KCNH1: variants seen among roughly 807,000 people sequenced by gnomAD.
KCNH1 encodes voltage-gated delayed rectifier potassium channel KCNH1.
KCNH1 carries 27 observed loss-of-function variants against 69.2 expected under a neutral mutation model. The observed-to-expected ratio is 0.39, with a 90% CI of 0.29 to 0.54. The LOEUF is 0.54. Among genes scored for constraint, KCNH1 ranks in the 20% least tolerant of loss-of-function variants. The pLI, the probability that KCNH1 is intolerant of heterozygous loss-of-function variation, is 0.68. For synonymous variants in KCNH1, 456 were observed against 487.7 expected, an observed-to-expected ratio of 0.93 and a Z score of 0.86; for missense variants, 798 against 1,261.6, an observed-to-expected ratio of 0.63 and a Z score of 5.57.
At chr1:210,951,184 C>T (rs980150747) in intron 6 of KCNH1, among the ~76,000 whole-genome samples, 1 of 152,160 alleles carries the variant, frequency 6.6e-6, no homozygotes, top group Non-Finnish European at 1.5e-5. Flanking sequence ...GCTCTGTCCA[C>T]AGGGCTACGA....
At chr1:210,688,019 G>C (rs1272373821) in intron 10 of KCNH1, among the ~76,000 whole-genome samples, 8 of 152,162 alleles carry the variant, frequency 5.3e-5, no homozygotes, top group Non-Finnish European at 2.9e-5. Context: ...GGTACTATGA[G>C]GGGGAAAAGT....
chr1:210,850,957 C>T (rs1170635396), intron 7 of KCNH1, among the ~76,000 whole-genome samples: 1 of 152,234 alleles, frequency 6.6e-6, no homozygotes, highest in African/African-American at 2.4e-5. Flanking sequence ...ATTTCAGGCA[C>T]AGCAAGAGAG....
intron 7 of KCNH1, chr1:210,860,275 T>A: frequency 7.0e-7 from 1 of 1,437,892 alleles, no homozygotes; most frequent in Non-Finnish European, 9.8e-7. Flanking sequence ...CTGCCACATC[T>A]GTGGAGACAC....
chr1:210,739,521 C>G (rs936691369), intron 10 of KCNH1, among the ~76,000 whole-genome samples: 2 of 152,204 alleles, frequency 1.3e-5, no homozygotes, highest in Non-Finnish European at 2.9e-5. Flanking sequence ...ATGAAGCTAA[C>G]TTGGCAGGAC....
At chr1:211,006,976 C>T (rs997365064) in intron 6 of KCNH1, among the ~76,000 whole-genome samples, 3 of 151,818 alleles carry the variant, frequency 2.0e-5, no homozygotes, top group African/African-American at 7.3e-5. Context: ...AAAAGACAGA[C>T]AATATATGCC....
chr1:210,891,456 G>A (rs974892932), intron 7 of KCNH1, among the ~76,000 whole-genome samples: 7 of 151,930 alleles, frequency 4.6e-5, no homozygotes, highest in African/African-American at 1.7e-4. Flanking sequence ...GAGTTAATGG[G>A]TGCAGCACAC....
At chr1:210,960,147 G>A (rs1195887217) in intron 6 of KCNH1, among the ~76,000 whole-genome samples, 2 of 152,148 alleles carry the variant, frequency 1.3e-5, no homozygotes, top group Non-Finnish European at 1.5e-5. Flanking sequence ...AAATGTATAT[G>A]TCACATAAAA....
At chr1:210,802,183 A>G (rs1684442519) in intron 8 of KCNH1, among the ~76,000 whole-genome samples, 1 of 152,216 alleles carries the variant, frequency 6.6e-6, no homozygotes, top group Non-Finnish European at 1.5e-5. Flanking sequence ...CTGAGGTTGT[A>G]GTAGTGGTGT....
chr1:211,121,940 C>G (rs566479013), intron 1 of KCNH1, among the ~76,000 whole-genome samples: 1 of 152,270 alleles, frequency 6.6e-6, no homozygotes, highest in South Asian at 2.1e-4. Flanking sequence ...TCGAGACCAT[C>G]CTGGCTAACA....
chr1:210,903,589 T>A (rs191384119), intron 7 of KCNH1, among the ~76,000 whole-genome samples: 1 of 152,338 alleles, frequency 6.6e-6, no homozygotes, highest in East Asian at 1.9e-4. Context: ...ATACCTATGA[T>A]GTACCTGGTA....
At chr1:211,069,176 G>A (rs1363731055) in intron 5 of KCNH1, among the ~76,000 whole-genome samples, 2 of 152,164 alleles carry the variant, frequency 1.3e-5, no homozygotes, top group East Asian at 3.9e-4. Flanking sequence ...CCCTGTCCCT[G>A]CCAAGGGGTG....
Position 210,919,547 on chromosome 1 carries a change from T to C in KCNH1, c.1462+93A>G. 4 of 1,177,728 alleles carry C rather than the reference T, an allele frequency of 3.4e-6. No homozygotes were observed. The highest frequency in any genetic ancestry group is 2.4e-6 in the Non-Finnish European group (2 of 820,706). The allele number at this position is 1,177,728 out of a possible 1,614,324, so 73.0% of individuals were successfully genotyped here. On this transcript the variant is annotated intron_variant, in intron 7 of 10. Transcript: ENST00000271751. This position sits in a 1 kb window ranked among gnomAD's most constrained non-coding sequence, Gnocchi z 4.2. ...AAAAACTCTTCCTTGTTTTAAGTTA[T>C]TATTCTCCTGATCCTGCTGGCACTG...
intron 6 of KCNH1, among the ~76,000 whole-genome samples, chr1:210,992,122 C>T (rs1688949393): frequency 6.6e-6 from 1 of 152,210 alleles, no homozygotes; most frequent in South Asian, 2.1e-4. Context: ...CTGCAGTAAT[C>T]TACATACATA....
intron 3 of KCNH1, among the ~76,000 whole-genome samples, chr1:211,091,344 G>T (rs1333293375): frequency 6.6e-6 from 1 of 151,912 alleles, no homozygotes; most frequent in African/African-American, 2.4e-5. Context: ...CACCATGCCC[G>T]GGTAATTTTT....
chr1:210,952,001 G>C (rs1688071136), intron 6 of KCNH1, among the ~76,000 whole-genome samples: 1 of 152,042 alleles, frequency 6.6e-6, no homozygotes, highest in East Asian at 1.9e-4. Flanking sequence ...CACTCCCTGA[G>C]GACACTTGCG....
At chr1:210,797,421 C>G in intron 9 of KCNH1, 87 bp downstream of exon 9, 1 of 1,458,558 alleles carries the variant, frequency 6.9e-7, no homozygotes, top group Non-Finnish European at 9.5e-7. Flanking sequence ...GAAGCAATCT[C>G]TAACTGAAGG....
chr1:210,867,358 CACACAT>C lies in KCNH1; in HGVS notation c.1462+52276_1462+52281del, dbSNP rs200073425. Among the ~76,000 whole-genome samples the C allele has an allele frequency of 8.4e-3, 893 of 106,736 alleles. 7 individuals carry two copies. The highest frequency in any genetic ancestry group is 0.011 in the South Asian group (40 of 3,562). The allele number at this position is 106,736 out of a possible 152,430, so 70.0% of individuals were successfully genotyped here. The stretch of plus-strand genomic sequence containing the variant: ...ACACACACACACACACACACACACA[CACACAT>C]ATATATATATATATGTGTCCAAAGC... On this transcript the variant is annotated intron_variant, in intron 7 of 10. Transcript: ENST00000271751.
rs544245002 is a variant in KCNH1 at position 210,882,681 on chromosome 1, G to A, written c.1462+36959C>T. ...GTGTACTTGTGAGCAGCCAGGAGGA[G>A]GAAGAAAGCACAAACATAAGGAGGA... On this transcript the variant is annotated intron_variant, in intron 7 of 10. Coordinates refer to ENST00000271751, the MANE Select transcript of KCNH1 (RefSeq NM_172362.3). Among the ~76,000 whole-genome samples, 6 of 152,244 alleles carry A rather than the reference G, an allele frequency of 3.9e-5. No homozygotes were observed. In the South Asian group the frequency reaches 6.2e-4, roughly 16 times the overall value.
At chr1:210,968,160 T>C (rs1453815854) in intron 6 of KCNH1, among the ~76,000 whole-genome samples, 1 of 147,870 alleles carries the variant, frequency 6.8e-6, no homozygotes, top group East Asian at 2.0e-4. Flanking sequence ...GAATGATGAT[T>C]TCCAATTTCA....
Sources: gnomAD v4.1 joint callset for allele counts (sites outside exome capture counted in the v4.1 genomes callset) on GRCh38, gnomAD v4.1.1 for gene constraint, Gnocchi (gnomAD v3.1) non-coding constraint, MANE v1.5 for transcripts, NCBI Gene and HGNC (gene_info 2026-07-23, HGNC 2026-07-21) for gene names.